The following LINGO1 variants were observed in gnomAD, a reference collection of about 807,000 sequenced individuals.
The protein encoded by LINGO1 is leucine rich repeat and Ig domain containing 1.
A neutral mutation model predicts 37.3 loss-of-function variants in LINGO1; 11 were observed. The ratio of observed to expected loss-of-function variants is 0.29; its 90% CI spans 0.19 to 0.49. The LOEUF is 0.49. Among genes scored for constraint, LINGO1 ranks in the 20% least tolerant of loss-of-function variants. LINGO1 has a pLI of 0.99. For missense variants in LINGO1, 585 were observed against 878.2 expected, an observed-to-expected ratio of 0.67 and a Z score of 4.22; for synonymous variants, 387 against 403.0, an observed-to-expected ratio of 0.96 and a Z score of 0.48.
In LINGO1 at chr15:77,614,166, G is replaced by A; in HGVS notation, c.1741C>T (p.Leu581Phe). The change falls in exon 2 of 2, where the codon CTC becomes TTC. Residue 581 changes from leucine to phenylalanine, a missense_variant. Physicochemically the swap from Leu to Phe is conservative, Grantham distance 22. Coordinates refer to ENST00000355300, the MANE Select transcript of LINGO1 (RefSeq NM_032808.7). Reference protein sequence around the residue: ...VVLFCLVLLFLWSRGKGNTKH... With the variant: ...VVLFCLVLLFFWSRGKGNTKH... The stretch of plus-strand genomic sequence containing the variant: ...GTGTTGCCCTTGCCCCGGCTCCAGA[G>A]AAACAGCAGCACCAGGCAGAAGAGG... 6.2e-7 allele frequency: 1 copy of A among 1,614,034 alleles called. No individual in the cohort carries two copies. Among genetic ancestry groups the A allele is most frequent in the Non-Finnish European group, 8.5e-7 (1 of 1,179,896 alleles).
chr15:77,783,688 C>T (rs887397665), intron 1 of LINGO1, among the ~76,000 whole-genome samples: 2 of 152,040 alleles, frequency 1.3e-5, no homozygotes, highest in Non-Finnish European at 1.5e-5. Flanking sequence ...CCGTGAGATG[C>T]TGCTGCTGCT....
intron 1 of LINGO1, among the ~76,000 whole-genome samples, chr15:77,757,797 C>T (rs1596195661): frequency 6.6e-6 from 1 of 152,314 alleles, no homozygotes; most frequent in African/African-American, 2.4e-5. Flanking sequence ...GGCTGGAATG[C>T]CCCAGAACAG....
At chr15:77,763,250 G>A (rs1482769574) in intron 1 of LINGO1, among the ~76,000 whole-genome samples, 1 of 152,154 alleles carries the variant, frequency 6.6e-6, no homozygotes, top group African/African-American at 2.4e-5. Context: ...GCTTGCTCAG[G>A]CGCCTCAAAA....
intron 1 of LINGO1, among the ~76,000 whole-genome samples, chr15:77,755,500 C>CT (rs1268044263): frequency 6.6e-6 from 1 of 152,240 alleles, no homozygotes; most frequent in Non-Finnish European, 1.5e-5. Flanking sequence ...CACTACCTCC[C>CT]TGACCCCGCA....
At chr15:77,808,120 C>T (rs2076975264) in intron 1 of LINGO1, among the ~76,000 whole-genome samples, 2 of 152,262 alleles carry the variant, frequency 1.3e-5, no homozygotes, top group Middle Eastern at 3.4e-3. Flanking sequence ...ACCCATGGCC[C>T]CCAGCCACCA....
At chr15:77,756,286 T>A (rs1348199407) in intron 1 of LINGO1, among the ~76,000 whole-genome samples, 1 of 152,132 alleles carries the variant, frequency 6.6e-6, no homozygotes, top group Admixed American at 6.5e-5. Flanking sequence ...ATAACTCTCA[T>A]TAAGGTCCAC....
chr15:77,636,752 GA>G (rs1248833066), upstream of LINGO1, among the ~76,000 whole-genome samples: 3 of 152,176 alleles, frequency 2.0e-5, no homozygotes, highest in Admixed American at 2.0e-4. Flanking sequence ...CTGAAGTCCA[GA>G]AGGTGGGGGC....
chr15:77,619,535 A>C (rs2073851849), intron 1 of LINGO1, among the ~76,000 whole-genome samples: 1 of 151,840 alleles, frequency 6.6e-6, no homozygotes, highest in African/African-American at 2.4e-5. Flanking sequence ...GAAATTTAAA[A>C]ATTAGCCAGG....
chr15:77,627,839 T>C (rs1172607151), intron 1 of LINGO1, among the ~76,000 whole-genome samples: 1 of 152,116 alleles, frequency 6.6e-6, no homozygotes, highest in South Asian at 2.1e-4. Context: ...CTCATATCCA[T>C]CCCAGACTTC....
At chr15:77,771,119 T>C (rs1357896538) in intron 1 of LINGO1, among the ~76,000 whole-genome samples, 1 of 152,168 alleles carries the variant, frequency 6.6e-6, no homozygotes, top group Non-Finnish European at 1.5e-5. Flanking sequence ...GAAGTCCTTC[T>C]CGAGGGAGAG....
At chr15:77,759,694 C>T (rs986150030) in intron 1 of LINGO1, among the ~76,000 whole-genome samples, 6 of 152,358 alleles carry the variant, frequency 3.9e-5, no homozygotes, top group Admixed American at 2.6e-4. Flanking sequence ...TAGACAGTGA[C>T]GCACTGGAGC....
intron 1 of LINGO1, among the ~76,000 whole-genome samples, chr15:77,742,123 C>T (rs920941357): frequency 3.3e-5 from 5 of 152,210 alleles, no homozygotes; most frequent in Non-Finnish European, 7.3e-5. Context: ...GCAGAGGGGC[C>T]GCTCCCAGGG....
At chr15:77,732,364 T>C (rs1177102680) in intron 2 of LINGO1, among the ~76,000 whole-genome samples, 1 of 152,202 alleles carries the variant, frequency 6.6e-6, no homozygotes, top group African/African-American at 2.4e-5. Context: ...TTCCCAAGTA[T>C]AGGATGTTGT....
At chr15:77,712,974 T>C (rs2075937297) in intron 2 of LINGO1, among the ~76,000 whole-genome samples, 1 of 152,200 alleles carries the variant, frequency 6.6e-6, no homozygotes, top group Admixed American at 6.5e-5. Context: ...CAAACAATTG[T>C]GTTCTGGTAT....
At chr15:77,754,317 A>C (rs1430036694) in intron 1 of LINGO1, among the ~76,000 whole-genome samples, 2 of 145,904 alleles carry the variant, frequency 1.4e-5, no homozygotes, top group Non-Finnish European at 1.5e-5. Flanking sequence ...GAAGGGAGGA[A>C]GGGAAGAGTG....
intron 1 of LINGO1, among the ~76,000 whole-genome samples, chr15:77,776,320 C>G (rs2076637940): frequency 1.3e-5 from 2 of 152,186 alleles, no homozygotes; most frequent in Non-Finnish European, 2.9e-5. Context: ...TGGCCACCCT[C>G]CCTGCCATGC....
intron 1 of LINGO1, among the ~76,000 whole-genome samples, chr15:77,808,780 T>C (rs1003778265): frequency 6.6e-6 from 1 of 152,164 alleles, no homozygotes; most frequent in East Asian, 1.9e-4. Flanking sequence ...ATGGGGTTGT[T>C]GTTAGGATTA....
At chr15:77,624,135 CTG>C (rs1222228291) in intron 1 of LINGO1, among the ~76,000 whole-genome samples, 2 of 113,416 alleles carry the variant, frequency 1.8e-5, no homozygotes, top group Non-Finnish European at 3.5e-5. Context: ...TGTGTGTGGC[CTG>C]TGTGTGTGAT....
chr15:77,794,590 A>ATATATAT (rs1381588807), intron 2 of LINGO1, among the ~76,000 whole-genome samples: 4 of 93,526 alleles, frequency 4.3e-5, no homozygotes, highest in African/African-American at 1.6e-4. Context: ...ATATATATAT[A>ATATATAT]TTTTTTTTTT....
Sources: gnomAD v4.1 joint callset for allele counts (sites outside exome capture counted in the v4.1 genomes callset) on GRCh38, gnomAD v4.1.1 for gene constraint, MANE v1.5 for transcripts, NCBI Gene and HGNC (gene_info 2026-07-23, HGNC 2026-07-21) for gene names.